The following SBSPON variants were observed in gnomAD, a reference collection of about 807,000 sequenced individuals.
SBSPON encodes the protein somatomedin-B and thrombospondin type-1 domain-containing protein.
Under a neutral mutation model 35.8 loss-of-function variants are expected in SBSPON, and 30 were observed. The observed-to-expected ratio is 0.84, with a 90% CI of 0.63 to 1.14. The LOEUF is 1.14. SBSPON is among the 50% of genes most tolerant of loss of function. The pLI, the probability that SBSPON is intolerant of heterozygous loss-of-function variation, is 0.00. For missense variants in SBSPON, 364 were observed against 357.7 expected (o/e 1.02, Z -0.14); for synonymous variants, 136 against 135.9 (o/e 1.00, Z 0.00).
rs553064612 is a variant in SBSPON at position 73,071,055 on chromosome 8, C to T, written c.500+725G>A. Among the ~76,000 whole-genome samples, 4 of 152,294 alleles carry T rather than the reference C, an allele frequency of 2.6e-5. No homozygotes were observed. In the South Asian group the frequency reaches 8.3e-4, roughly 32 times the overall value. ...ATTTTTCATAGAGATGGGGTTCTCA[C>T]TATGTTGCCCTGGCTGGTCTCAAAC... On this transcript the variant is annotated intron_variant, in intron 3 of 4. Coordinates refer to ENST00000297354, the MANE Select transcript of SBSPON (RefSeq NM_153225.4).
At chr8:73,076,425 C>T (rs1411836594) in intron 2 of SBSPON, among the ~76,000 whole-genome samples, 1 of 152,094 alleles carries the variant, frequency 6.6e-6, no homozygotes, top group Non-Finnish European at 1.5e-5. Context: ...AATGTAATCA[C>T]AGGATCCTAA....
At position 73,067,415 on chromosome 8, in the gene SBSPON, G is replaced by C; in HGVS notation, c.721C>G (p.Gln241Glu). ...CGCCGAACTTTTTTCCAAGTTCCTT[G>C]ACACCGAGGATTACCAATTGCTTGC... is the stretch of plus-strand genomic sequence containing the variant. ...HWQAIGNPRC[Q>E]GTWKKVRRVD... Residue 241 changes from glutamine (Q) to glutamate (E), a missense_variant, in exon 5 of 5, where the codon CAA becomes GAA. By Grantham distance (29) the Gln-to-Glu change is conservative. Coordinates refer to ENST00000297354, the MANE Select transcript of SBSPON (RefSeq NM_153225.4). 6.2e-7 allele frequency: 1 copy of C among 1,611,692 alleles called. No homozygotes were observed.
chr8:73,069,933 C>G lies in SBSPON; in HGVS notation c.549G>C (p.Leu183=). Residue 183 remains leucine, a synonymous_variant, in exon 4 of 5, where the codon CTG becomes CTC. Coordinates refer to ENST00000297354, the MANE Select transcript of SBSPON (RefSeq NM_153225.4). ...KTESLTPHCA[L]ENWPLTRWMQ... ...TCCATCTAGTCAAGGGCCAGTTTTC[C>G]AGAGCACAGTGAGGAGTCAAGGACT... 6.2e-7 allele frequency: 1 copy of G among 1,611,316 alleles called. No homozygotes were observed. The highest frequency in any genetic ancestry group is 2.2e-5 in the East Asian group (1 of 44,860).
intron 3 of SBSPON, among the ~76,000 whole-genome samples, chr8:73,071,365 G>A (rs9721375): frequency 0.34 from 51,903 of 151,934 alleles, 9,738 homozygotes; most frequent in East Asian, 0.73. Context: ...TCAGCTGAGC[G>A]TGAAGGTGAC....
intron 1 of SBSPON, chr8:73,083,924 T>A (rs996700220): frequency 2.6e-5 from 4 of 152,240 alleles, no homozygotes; most frequent in African/African-American, 9.6e-5. Context: ...TTGTTTAAAC[T>A]CAAGCTAATA....
chr8:73,079,869 GC>G (rs1416437472), intron 2 of SBSPON, among the ~76,000 whole-genome samples: 5 of 152,060 alleles, frequency 3.3e-5, no homozygotes, highest in Admixed American at 3.3e-4. Context: ...CCCAGCGCCA[GC>G]CCAGCACCTG....
intron 1 of SBSPON, among the ~76,000 whole-genome samples, chr8:73,082,396 T>A (rs565962049): frequency 6.6e-6 from 1 of 152,320 alleles, no homozygotes; most frequent in Admixed American, 6.5e-5. Context: ...CCACAAGAAT[T>A]AGCACTCTGT....
rs1810751055 is a variant in SBSPON at position 73,083,205 on chromosome 8, T to G, written c.215-1992A>C. ...ATTGCATCAAGTTGCTCCTATTCGT[T>G]AAAGTTTGTCCTTAGCAAAACACTA... On this transcript the variant is annotated intron_variant, in intron 1 of 4. Transcript: ENST00000297354. Among the ~76,000 whole-genome samples the G allele has an allele frequency of 2.0e-5, 3 of 152,322 alleles. No homozygotes were observed. In the South Asian group the frequency reaches 6.2e-4, roughly 32 times the overall value.
chr8:73,085,643 G>A (rs1459319677), intron 1 of SBSPON: 3 of 152,098 alleles, frequency 2.0e-5, no homozygotes, highest in Non-Finnish European at 4.4e-5. Flanking sequence ...AGTTGTGCCA[G>A]CCAGAGCAAG....
Position 73,081,842 on chromosome 8 carries a change from A to T in SBSPON, c.215-629T>A, listed in dbSNP as rs190404116. 3.3e-3 allele frequency among the ~76,000 whole-genome samples: 500 copies of T among 152,190 alleles called. 2 individuals carry two copies. Among genetic ancestry groups the T allele is most frequent in the Middle Eastern group, 6.8e-3 (2 of 294 alleles). On this transcript the variant is annotated intron_variant, in intron 1 of 4. Coordinates refer to ENST00000297354, the MANE Select transcript of SBSPON (RefSeq NM_153225.4). ...GTAGACTCATGAACTATGAGGGCTG[A>T]AGTTTAGAGATGAGCCACCAGGGCC...
In SBSPON at chr8:73,066,926, T is replaced by C. The variant is rs1810396396; in HGVS notation, c.*415A>G. The stretch of plus-strand genomic sequence containing the variant: ...AGTGTGCATACCTGTATACATGTTT[T>C]AAAGTGAGAAACTTTTAAAAGATTA... On this transcript the variant is annotated 3_prime_UTR_variant, in exon 5 of 5. Transcript: ENST00000297354. 2 of 158,476 alleles carry C rather than the reference T, an allele frequency of 1.3e-5. No individual in the cohort carries two copies. The highest frequency in any genetic ancestry group is 1.8e-4 in the South Asian group (1 of 5,456). 9.8% of individuals were successfully genotyped at this position (158,476 alleles called of 1,614,324 possible).
intron 1 of SBSPON, among the ~76,000 whole-genome samples, chr8:73,090,287 A>G (rs1810906173): frequency 6.6e-6 from 1 of 152,258 alleles, no homozygotes; most frequent in African/African-American, 2.4e-5. Context: ...TTCTGACTTT[A>G]GAGGCAAAAT....
chr8:73,085,083 C>G (rs1390649004), intron 1 of SBSPON, among the ~76,000 whole-genome samples: 1 of 152,068 alleles, frequency 6.6e-6, no homozygotes, highest in African/African-American at 2.4e-5. Flanking sequence ...GAAGGAGGCT[C>G]CAGCAAAGGA....
chr8:73,073,162 C>A (rs1810529610), intron 2 of SBSPON, among the ~76,000 whole-genome samples: 1 of 152,170 alleles, frequency 6.6e-6, no homozygotes, highest in Non-Finnish European at 1.5e-5. Flanking sequence ...ATAAATGGGC[C>A]AGTGAGTGAA....
intron 1 of SBSPON, among the ~76,000 whole-genome samples, chr8:73,086,153 T>C (rs1164209388): frequency 6.6e-6 from 1 of 151,296 alleles, no homozygotes; most frequent in Non-Finnish European, 1.5e-5. Flanking sequence ...TAAATATATA[T>C]CATCTCCCTT....
chr8:73,087,748 T>C (rs1041512664), intron 1 of SBSPON, among the ~76,000 whole-genome samples: 4 of 152,238 alleles, frequency 2.6e-5, no homozygotes, highest in African/African-American at 9.6e-5. Flanking sequence ...CCAGCCCATA[T>C]AGGCTATTCA....
At position 73,093,101 on chromosome 8, in the gene SBSPON, G is replaced by A; in HGVS notation, c.-34C>T. 2 of 1,209,412 alleles carry A rather than the reference G, an allele frequency of 1.7e-6. No homozygotes were observed. Among genetic ancestry groups the A allele is most frequent in the Non-Finnish European group, 1.1e-6 (1 of 948,676 alleles). 74.9% of individuals were successfully genotyped at this position (1,209,412 alleles called of 1,614,324 possible). On this transcript the variant is annotated 5_prime_UTR_variant, in exon 1 of 5. Transcript: ENST00000297354. ...CTCCGGCGGCGCCTGCGACGCGACA[G>A]ACCCCCGGGGCAAGCGCTCTGATCC...
intron 2 of SBSPON, among the ~76,000 whole-genome samples, chr8:73,073,299 G>A (rs1563486931): frequency 6.6e-6 from 1 of 152,276 alleles, no homozygotes; most frequent in African/African-American, 2.4e-5. Context: ...GAAACTGCGC[G>A]ATTCCAGGAA....
intron 1 of SBSPON, chr8:73,083,639 A>G (rs1259988768): frequency 1.3e-5 from 2 of 152,230 alleles, no homozygotes; most frequent in Non-Finnish European, 2.9e-5. Context: ...CTTTCCCACT[A>G]GCTTATCTAA....
Sources: allele counts gnomAD v4.1 joint callset (sites outside exome capture counted in the v4.1 genomes callset), GRCh38; gene constraint gnomAD v4.1.1; transcripts MANE v1.5; gene names NCBI Gene and HGNC (gene_info 2026-07-23, HGNC 2026-07-21).